IDE: variants seen among roughly 807,000 people sequenced by gnomAD.
IDE encodes the protein insulin degrading enzyme.
IDE carries 58 observed loss-of-function variants against 133.2 expected under a neutral mutation model. The ratio of observed to expected loss-of-function variants is 0.44; its 90% confidence interval spans 0.35 to 0.54. The LOEUF is 0.54. Ranked by LOEUF, IDE falls within the 20% of genes least tolerant of loss-of-function variation. The pLI, the probability that IDE is intolerant of heterozygous loss-of-function variation, is 0.00. For synonymous variants in IDE, 396 were observed against 421.3 expected, an observed-to-expected ratio of 0.94 and a Z score of 0.73; for missense variants, 981 against 1,234.0, an observed-to-expected ratio of 0.79 and a Z score of 3.07.
At position 92,488,398 on chromosome 10, in the gene IDE, T is replaced by C. The variant is rs1847131349; in HGVS notation, c.1534-1080A>G. 2.6e-5 allele frequency among the ~76,000 whole-genome samples: 4 copies of C among 152,168 alleles called. No homozygotes were observed. In the South Asian group the frequency reaches 8.3e-4, roughly 31 times the overall value. ...AGACATCAGCCACCACGCTCGGCTT[T>C]CAGTACTTCTTAAGAACTGGCCCAC... On this transcript the variant is annotated intron_variant, in intron 12 of 24. Transcript: ENST00000265986.
chr10:92,508,471 T>C (rs973986259), intron 7 of IDE, among the ~76,000 whole-genome samples: 1 of 133,196 alleles, frequency 7.5e-6, no homozygotes, highest in Non-Finnish European at 1.7e-5. Flanking sequence ...CCCAGCACTT[T>C]AGGAGGCCAA....
chr10:92,537,465 G>A lies in IDE; in HGVS notation c.184C>T (p.Arg62Ter), dbSNP rs867308054. ...NHITKSPEDKREYRGLELANG... is the reference protein window; with the variant it reads ...NHITKSPEDK ...GCCAGCTCTAGCCCTCGATATTCTC[G>A]CTTGTCTTCAGGAGACTTGGTAATG... The change falls in exon 2 of 25, where the codon CGA (arginine) becomes TGA (stop). Residue 62 changes from arginine to a stop codon, truncating the protein, a stop_gained. Coordinates refer to ENST00000265986, the MANE Select transcript of IDE (RefSeq NM_004969.4). LOFTEE classifies it high-confidence loss of function. 2.5e-6 allele frequency: 4 copies of A among 1,613,576 alleles called. No homozygotes were observed. The highest frequency in any genetic ancestry group is 2.2e-5 in the East Asian group (1 of 44,862).
chr10:92,465,692 G>A lies in IDE; in HGVS notation c.2472C>T (p.Arg824=). The A allele has an allele frequency of 6.2e-7, 1 of 1,613,264 alleles. No homozygotes were observed. Among genetic ancestry groups the A allele is most frequent in the Non-Finnish European group, 8.5e-7 (1 of 1,179,280 alleles). ...TCCTCTCACCCAACTGCTCCTTGGT[G>A]CGCAGGGTGTTGAAGCAAGGTTCCG... The part of the protein sequence containing the change: ...IISEPCFNTL[R]TKEQLGYIVF... Residue 824 remains arginine, a synonymous_variant, in exon 20 of 25, where the codon CGC becomes CGT. Transcript: ENST00000265986.
intron 1 of IDE, among the ~76,000 whole-genome samples, chr10:92,568,730 C>T (rs1264759528): frequency 1.3e-5 from 2 of 151,938 alleles, no homozygotes; most frequent in East Asian, 3.9e-4. Flanking sequence ...GCAGGAGAAT[C>T]GCCTGAAGCT....
intron 15 of IDE, chr10:92,478,825 CCT>C: frequency 1.8e-6 from 2 of 1,119,598 alleles, no homozygotes; most frequent in South Asian, 3.8e-5. Flanking sequence ...TGCTTTGATA[CCT>C]CAAGCAGTGG....
chr10:92,545,902 C>T (rs1236797879), intron 1 of IDE, among the ~76,000 whole-genome samples: 1 of 152,162 alleles, frequency 6.6e-6, no homozygotes. Context: ...CACTAAAGCT[C>T]ACACTATGAC....
rs1025864344 is a variant in IDE, at chr10:92,452,774, T to C, written c.*1670A>G. ...CCTAATTTCAGATCTGTCTTGTATA[T>C]ACTTGCAGTTTAATGAAAAGCTGCA... On this transcript the variant is annotated 3_prime_UTR_variant, in exon 25 of 25. Transcript: ENST00000265986. The C allele has an allele frequency of 1.3e-5, 2 of 151,772 alleles. No homozygotes were observed. Among genetic ancestry groups the C allele is most frequent in the Non-Finnish European group, 2.9e-5 (2 of 67,900 alleles). 9.4% of individuals were successfully genotyped at this position (151,772 alleles called of 1,614,324 possible).
At chr10:92,480,550 A>G (rs1846544163) in intron 14 of IDE, 1 of 152,226 alleles carries the variant, frequency 6.6e-6, no homozygotes, top group African/African-American at 2.4e-5. Flanking sequence ...CACTCTTACA[A>G]TGTGACATCT....
chr10:92,483,375 C>G, intron 13 of IDE, 38 bp from the exon 14 acceptor site: 1 of 1,090,692 alleles, frequency 9.2e-7, no homozygotes, highest in Non-Finnish European at 1.4e-6. Flanking sequence ...GAAATAGAGG[C>G]GCATTCAGCA....
chr10:92,478,580 T>C lies in IDE; in HGVS notation c.1884+697A>G, dbSNP rs1846417206. 7 of 953,944 alleles carry C rather than the reference T, an allele frequency of 7.3e-6. No individual in the cohort carries two copies. In the South Asian group the frequency reaches 2.1e-4, roughly 28 times the overall value. The allele number at this position is 953,944 out of a possible 1,614,324, so 59.1% of individuals were successfully genotyped here. A position where few individuals can be genotyped will look rare whatever the true frequency, so the allele number is the denominator to read the frequency against. On this transcript the variant is annotated intron_variant, in intron 15 of 24. Transcript: ENST00000265986. ...TGTTTAAAAATGCGAAGTTAATAGT[T>C]TTCCCAAGCTCAACATAATGCTTAA... is the stretch of plus-strand genomic sequence containing the variant.
chr10:92,546,204 T>C (rs925548613), intron 1 of IDE, among the ~76,000 whole-genome samples: 3 of 152,112 alleles, frequency 2.0e-5, no homozygotes, highest in Non-Finnish European at 1.5e-5. Flanking sequence ...AAAATCAAGC[T>C]ATGCTTTCAT....
intron 13 of IDE, 28 bp downstream of exon 13, chr10:92,487,168 T>C: frequency 6.3e-7 from 1 of 1,598,136 alleles, no homozygotes; most frequent in Non-Finnish European, 8.5e-7. Context: ...GTCCCCCAAA[T>C]TTAAAATCAC....
intron 15 of IDE, among the ~76,000 whole-genome samples, 187 bp from the exon 16 acceptor site, chr10:92,476,181 T>TA (rs1292404717): frequency 6.6e-6 from 1 of 152,108 alleles, no homozygotes; most frequent in Non-Finnish European, 1.5e-5. Flanking sequence ...CCATCTTTTT[T>TA]TTTTTTTTTG....
At chr10:92,476,957 G>A (rs961329591) in intron 15 of IDE, among the ~76,000 whole-genome samples, 1 of 151,624 alleles carries the variant, frequency 6.6e-6, no homozygotes, top group African/African-American at 2.4e-5. Flanking sequence ...AACATAGTTA[G>A]ACTCCTGACC....
At chr10:92,495,807 TTAAA>T (rs1051641611) in intron 11 of IDE, among the ~76,000 whole-genome samples, 9 of 151,716 alleles carry the variant, frequency 5.9e-5, no homozygotes, top group Admixed American at 4.6e-4. Context: ...AAAATCATAC[TTAAA>T]TAGTGATAGG....
At chr10:92,493,751 T>C (rs1847512322) in intron 11 of IDE, among the ~76,000 whole-genome samples, 2 of 152,054 alleles carry the variant, frequency 1.3e-5, no homozygotes, top group South Asian at 4.1e-4. Context: ...AATACCAGAC[T>C]AACAAAAAGA....
chr10:92,530,256 A>C (rs1006741954), intron 4 of IDE, among the ~76,000 whole-genome samples: 4 of 151,652 alleles, frequency 2.6e-5, no homozygotes, highest in South Asian at 4.2e-4. Flanking sequence ...AAATAAATAA[A>C]TAACCATTTG....
Position 92,454,264 on chromosome 10 carries a change from T to G in IDE, c.*180A>C. On this transcript the variant is annotated 3_prime_UTR_variant, in exon 25 of 25. Coordinates refer to ENST00000265986, the MANE Select transcript of IDE (RefSeq NM_004969.4). ...GCATGTATTTAAAAAATATTCTACATCTATAAGATTTTGTAATTTACTTTG... is the reference window on the plus strand; with the variant it reads ...GCATGTATTTAAAAAATATTCTACAGCTATAAGATTTTGTAATTTACTTTG... The G allele has an allele frequency of 2.0e-6, 1 of 494,232 alleles. No homozygotes were observed. The highest frequency in any genetic ancestry group is 3.6e-6 in the Non-Finnish European group (1 of 276,572). The allele number at this position is 494,232 out of a possible 1,614,324, so 30.6% of individuals were successfully genotyped here. A position where few individuals can be genotyped will look rare whatever the true frequency, so the allele number is the denominator to read the frequency against.
rs1564664835 is a variant in IDE, at chr10:92,541,554, T to G, written c.99-4004A>C. On this transcript the variant is annotated intron_variant, in intron 1 of 24. Coordinates refer to ENST00000265986, the MANE Select transcript of IDE (RefSeq NM_004969.4). ...ATTTATATTTTTAACTTGTTAAAGT[T>G]AAAATTTTAGGAGCAATAAAATTAC... Among the ~76,000 whole-genome samples the G allele has an allele frequency of 2.0e-5, 3 of 152,238 alleles. No homozygotes were observed. In the South Asian group the frequency reaches 6.2e-4, roughly 32 times the overall value.
Sources: allele counts gnomAD v4.1 joint callset (sites outside exome capture counted in the v4.1 genomes callset), GRCh38; gene constraint gnomAD v4.1.1; transcripts MANE v1.5; gene names NCBI Gene and HGNC (gene_info 2026-07-23, HGNC 2026-07-21).